CCDC191: variants seen among roughly 807,000 people sequenced by gnomAD.
CCDC191 encodes the protein coiled-coil domain-containing protein 191.
Under a neutral mutation model 114.0 loss-of-function variants are expected in CCDC191, and 99 were observed. That is an observed-to-expected ratio of 0.87 (90% CI 0.74 to 1.03). The LOEUF is 1.03. Among genes scored for constraint, CCDC191 ranks in the 50% least tolerant of loss-of-function variants. The pLI is 0.00. For synonymous variants in CCDC191, 351 were observed against 376.0 expected (o/e 0.93, Z 0.77); for missense variants, 973 against 1,087.0 (o/e 0.90, Z 1.47).
chr3:114,004,463 G>A, intron 11 of CCDC191, 174 bp downstream of exon 11: 1 of 1,207,098 alleles, frequency 8.3e-7, no homozygotes, highest in Non-Finnish European at 1.0e-6. Context: ...GAAAAAAGTA[G>A]TGGGGCTCTC....
Position 113,978,231 on chromosome 3 carries a change from A to C in CCDC191, c.2561T>G (p.Ile854Ser). ...AWFNMVREVK[I>S]DSQGKHEIAA... Reference sequence around the variant, plus strand: ...AATCTCATGCTTGCCCTGAGAATCGATCTTCACCTCCCTGACCATGTTAAA... The same window carrying C: ...AATCTCATGCTTGCCCTGAGAATCGCTCTTCACCTCCCTGACCATGTTAAA... Residue 854 changes from isoleucine (I) to serine (S), a missense_variant, in exon 16 of 17, where the codon ATC becomes AGC. Ile to Ser is a moderately radical substitution (Grantham distance 142). Transcript: ENST00000295878. The C allele has an allele frequency of 6.2e-7, 1 of 1,614,030 alleles. No homozygotes were observed. Among genetic ancestry groups the C allele is most frequent in the Non-Finnish European group, 8.5e-7 (1 of 1,179,950 alleles).
In CCDC191 at chr3:114,001,715, C is replaced by G. The variant is rs1255746875; in HGVS notation, c.2062-19G>C. The G allele has an allele frequency of 6.2e-7, 1 of 1,612,550 alleles. No individual in the cohort carries two copies. Among genetic ancestry groups the G allele is most frequent in the Non-Finnish European group, 8.5e-7 (1 of 1,179,504 alleles). On this transcript the variant is annotated intron_variant, in intron 12 of 16. Coordinates refer to ENST00000295878, the MANE Select transcript of CCDC191 (RefSeq NM_020817.2). ...ACTGGGCCTGATTGAGATTAGAACC[C>G]AGAAATATCAGAACCCTCAATTTGA...
At position 114,010,910 on chromosome 3, in the gene CCDC191, T is replaced by C. The variant is rs1355092311; in HGVS notation, c.1275A>G (p.Thr425=). The change falls in exon 9 of 17, where the codon ACA becomes ACG. Residue 425 remains threonine, a synonymous_variant. Transcript: ENST00000295878. ...CCATCTTCTTCCTAGTTTCCTCTTT[T>C]GTGAGAGCCAGCTCTCTCTTCAGGA... ...AELLKRELAL[T]KEETRKKMDA... is the part of the protein sequence containing the mutation. 1.9e-6 allele frequency: 3 copies of C among 1,613,998 alleles called. No individual in the cohort carries two copies. Among genetic ancestry groups the C allele is most frequent in the East Asian group, 2.2e-5 (1 of 44,890 alleles).
intron 11 of CCDC191, 22 bp downstream of exon 11, chr3:114,004,615 G>A (rs761164234): frequency 1.9e-6 from 3 of 1,607,814 alleles, no homozygotes; most frequent in Non-Finnish European, 2.5e-6. Context: ...AACCACCAAG[G>A]CCACCACCGA....
At chr3:113,968,453 TCCC>T (rs372382397) in intron 16 of CCDC191, among the ~76,000 whole-genome samples, 3 of 151,068 alleles carry the variant, frequency 2.0e-5, no homozygotes, top group Admixed American at 6.6e-5. Flanking sequence ...ATTTAGATCT[TCCC>T]CCCCCTTTTT....
intron 9 of CCDC191, among the ~76,000 whole-genome samples, chr3:114,006,857 C>T (rs1246506863): frequency 6.6e-6 from 1 of 151,824 alleles, no homozygotes; most frequent in African/African-American, 2.4e-5. Flanking sequence ...GCATCAAGGT[C>T]CCGTTAAAGC....
intron 8 of CCDC191, 144 bp downstream of exon 8, chr3:114,018,534 G>A: frequency 1.5e-6 from 1 of 673,510 alleles, no homozygotes; most frequent in Non-Finnish European, 2.4e-6. Flanking sequence ...AGTTTGAGAT[G>A]TAACATAGAA....
Position 114,004,892 on chromosome 3 carries a change from T to A in CCDC191, c.1869-146A>T. 6 of 846,296 alleles carry A rather than the reference T, an allele frequency of 7.1e-6. No homozygotes were observed. The South Asian group carries it at 1.1e-4, about 15-fold the overall frequency. The allele number at this position is 846,296 out of a possible 1,614,324, so 52.4% of individuals were successfully genotyped here. On this transcript the variant is annotated intron_variant, in intron 10 of 16. Coordinates refer to ENST00000295878, the MANE Select transcript of CCDC191 (RefSeq NM_020817.2). ...ACATATTATATCCACTCCATAAATA[T>A]GTGTAATGAGGTATGGAAAGGTTGT... is the stretch of plus-strand genomic sequence containing the variant.
At chr3:114,036,989 G>T in intron 4 of CCDC191, 1 of 283,322 alleles carries the variant, frequency 3.5e-6, no homozygotes, top group Non-Finnish European at 6.4e-6. Context: ...CACTTACCAA[G>T]AATTGCCCTC....
At position 113,975,664 on chromosome 3, in the gene CCDC191, C is replaced by T. The variant is rs114928361; in HGVS notation, c.2606+2522G>A. Among the ~76,000 whole-genome samples the T allele has an allele frequency of 3.8e-3, 572 of 152,206 alleles. 8 individuals are homozygous for T. The highest frequency in any genetic ancestry group is 0.013 in the African/African-American group (542 of 41,522). The stretch of plus-strand genomic sequence containing the variant: ...GAAGTAGGGCAGTTTAATGGATAGA[C>T]AGTGATGCAAGTAGGGTGGTTAGGG... On this transcript the variant is annotated intron_variant, in intron 16 of 16. Transcript: ENST00000295878.
At chr3:114,046,478 A>G in intron 3 of CCDC191, 113 bp downstream of exon 3, 1 of 736,988 alleles carries the variant, frequency 1.4e-6, no homozygotes, top group Non-Finnish European at 2.4e-6. Context: ...GGGAGTAGAA[A>G]GAAAGGGAAA....
chr3:113,987,418 CA>C (rs2075399523), intron 13 of CCDC191, among the ~76,000 whole-genome samples: 1 of 151,712 alleles, frequency 6.6e-6, no homozygotes, highest in African/African-American at 2.4e-5. Flanking sequence ...ATTGTTCAAA[CA>C]ATAAGTTTAA....
At chr3:114,005,388 A>C (rs1187583369) in intron 10 of CCDC191, 120 bp downstream of exon 10, 3 of 943,360 alleles carry the variant, frequency 3.2e-6, no homozygotes, top group Non-Finnish European at 4.8e-6. Flanking sequence ...TTGCTTTGAG[A>C]GTGCAAAATC....
At chr3:113,987,825 C>T (rs1030279436) in intron 13 of CCDC191, among the ~76,000 whole-genome samples, 4 of 151,932 alleles carry the variant, frequency 2.6e-5, no homozygotes, top group Admixed American at 1.3e-4. Flanking sequence ...AGGTGGATCA[C>T]GAGGTCAGGA....
At chr3:114,037,666 C>T (rs756253428) in intron 4 of CCDC191, among the ~76,000 whole-genome samples, 6 of 151,972 alleles carry the variant, frequency 3.9e-5, no homozygotes, top group African/African-American at 1.2e-4. Flanking sequence ...CAGGACCTCC[C>T]GAGAATATCA....
rs202198890 is a variant in CCDC191, at chr3:114,002,551, AAC to A, written c.1979-15_1979-14del. 1.0e-3 allele frequency: 1,615 copies of A among 1,587,280 alleles called. 22 individuals carry two copies. The East Asian group carries it at 0.013, about 13-fold the overall frequency. On this transcript the variant is annotated splice_polypyrimidine_tract_variant and intron_variant, in intron 11 of 16. Coordinates refer to ENST00000295878, the MANE Select transcript of CCDC191 (RefSeq NM_020817.2). ...CTCTCTTCCATAGCTAGAAAATAGTAACAGAGTTCTAATATTTTTTATATTGA... is the reference window on the plus strand; with the variant it reads ...CTCTCTTCCATAGCTAGAAAATAGTAAGAGTTCTAATATTTTTTATATTGA...
Position 114,013,251 on chromosome 3 carries a change from A to G in CCDC191, c.1164-2230T>C, listed in dbSNP as rs543974047. On this transcript the variant is annotated intron_variant, in intron 8 of 16. Transcript: ENST00000295878. ...ACAGAGTGAGACCCTGTGTCAAAGA[A>G]AAAAAAAAAAGTAAAAAAGAAAAAA... 2.0e-3 allele frequency among the ~76,000 whole-genome samples: 304 copies of G among 149,388 alleles called. 6 individuals are homozygous for G. The East Asian group carries it at 0.056, about 28-fold the overall frequency.
intron 8 of CCDC191, among the ~76,000 whole-genome samples, chr3:114,015,703 A>G (rs964064912): frequency 6.6e-6 from 1 of 152,234 alleles, no homozygotes; most frequent in African/African-American, 2.4e-5. Context: ...TTGTTGTATT[A>G]CTAAATGAAT....
intron 3 of CCDC191, among the ~76,000 whole-genome samples, chr3:114,044,942 A>G (rs2076609196): frequency 1.3e-5 from 2 of 152,036 alleles, no homozygotes; most frequent in Non-Finnish European, 2.9e-5. Context: ...ATGATAGGAG[A>G]AAAAAAATGA....
Sources: gnomAD v4.1 joint callset for allele counts (sites outside exome capture counted in the v4.1 genomes callset) on GRCh38, gnomAD v4.1.1 for gene constraint, MANE v1.5 for transcripts, NCBI Gene and HGNC (gene_info 2026-07-23, HGNC 2026-07-21) for gene names.